GPT2: variants seen among roughly 807,000 people sequenced by gnomAD.
GPT2 encodes the protein alanine aminotransferase 2.
In GPT2, 30 loss-of-function variants were observed where a neutral mutation model predicts 56.9. That is an observed-to-expected ratio of 0.53 (90% CI 0.39 to 0.72). The LOEUF is 0.72. GPT2 is among the 30% of genes least tolerant of loss of function. GPT2 has a pLI of 0.00. For synonymous variants in GPT2, 271 were observed against 283.1 expected (o/e 0.96, Z 0.43); for missense variants, 542 against 703.4 (o/e 0.77, Z 2.60).
At chr16:46,907,170 C>T (rs1938851337) in intron 5 of GPT2, among the ~76,000 whole-genome samples, 195 bp downstream of exon 5, 2 of 152,192 alleles carry the variant, frequency 1.3e-5, no homozygotes, top group African/African-American at 4.8e-5. Context: ...ACTGCAGCCT[C>T]GATTTCTGTC....
intron 2 of GPT2, among the ~76,000 whole-genome samples, chr16:46,885,808 G>A (rs1346285393): frequency 6.6e-6 from 1 of 152,152 alleles, no homozygotes; most frequent in African/African-American, 2.4e-5. Flanking sequence ...TGGAATTCAG[G>A]AGGCAGAGCC....
intron 10 of GPT2, among the ~76,000 whole-genome samples, chr16:46,926,033 G>A (rs1233168590): frequency 6.6e-6 from 1 of 150,566 alleles, no homozygotes; most frequent in Non-Finnish European, 1.5e-5. Flanking sequence ...TGGAGGCTGA[G>A]GCAGGGAGAA....
At chr16:46,924,334 G>C in intron 9 of GPT2, 55 bp from the exon 10 acceptor site, 1 of 1,585,064 alleles carries the variant, frequency 6.3e-7, no homozygotes, top group Non-Finnish European at 8.7e-7. Context: ...TCAGTGGCTG[G>C]AGTGAATCTT....
chr16:46,928,956 G>C lies in GPT2; in HGVS notation c.1531G>C (p.Val511Leu). 1 of 1,614,186 alleles carries C rather than the reference G, an allele frequency of 6.2e-7. No homozygotes were observed. The highest frequency in any genetic ancestry group is 2.2e-5 in the East Asian group (1 of 44,878). The change falls in exon 12 of 12, where the codon GTG becomes CTG. Residue 511 changes from valine (V) to leucine (L), a missense_variant. Val to Leu is a conservative substitution (Grantham distance 32). Transcript: ENST00000340124. ...VEKLKTVLQK[V>L]KDFHINFLEK... ...GAAGCTGAAAACGGTGCTGCAGAAG[G>C]TGAAAGACTTCCACATCAACTTCCT...
chr16:46,901,280 G>C (rs1960812126), intron 4 of GPT2, among the ~76,000 whole-genome samples: 1 of 152,168 alleles, frequency 6.6e-6, no homozygotes, highest in Non-Finnish European at 1.5e-5. Flanking sequence ...CAGTCTGATG[G>C]TGCCAGTACC....
chr16:46,898,998 CATAT>C (rs61197632), intron 3 of GPT2, among the ~76,000 whole-genome samples: 1 of 124,438 alleles, frequency 8.0e-6, no homozygotes, highest in African/African-American at 3.6e-5. Context: ...ATATAACACA[CATAT>C]ATATATATAT....
Position 46,930,816 on chromosome 16 carries a change from A to G in GPT2, c.*1819A>G, listed in dbSNP as rs911776850. On this transcript the variant is annotated 3_prime_UTR_variant, in exon 12 of 12. Transcript: ENST00000340124. ...ATAAACAGCCCCTAAAAACTTTACA[A>G]CGTTTACACAGTTTTTTAAAAAGAG... The G allele has an allele frequency of 2.0e-5, 3 of 152,650 alleles. No homozygotes were observed. Among genetic ancestry groups the G allele is most frequent in the African/African-American group, 7.2e-5 (3 of 41,454 alleles). The allele number at this position is 152,650 out of a possible 1,614,324, so 9.5% of individuals were successfully genotyped here.
At chr16:46,891,558 CAT>C (rs1382241983) in intron 2 of GPT2, among the ~76,000 whole-genome samples, 1 of 152,064 alleles carries the variant, frequency 6.6e-6, no homozygotes, top group East Asian at 1.9e-4. Context: ...CACACACCAC[CAT>C]GCCTAGCTAA....
In GPT2 at chr16:46,919,597, G is replaced by A. The variant is rs114586800; in HGVS notation, c.1037+840G>A. Among the ~76,000 whole-genome samples, 623 of 152,368 alleles carry A rather than the reference G, an allele frequency of 4.1e-3. 4 individuals are homozygous for A. The highest frequency in any genetic ancestry group is 0.014 in the African/African-American group (575 of 41,580). On this transcript the variant is annotated intron_variant, in intron 8 of 11. Coordinates refer to ENST00000340124, the MANE Select transcript of GPT2 (RefSeq NM_133443.4). The stretch of plus-strand genomic sequence containing the variant: ...CCAGGAGCTGGAAAGGAGGGGGCAC[G>A]GGGGCAGTGGCAGGAGTGGAGACCT...
At chr16:46,897,808 G>GGC in intron 3 of GPT2, 71 bp downstream of exon 3, 1 of 1,338,800 alleles carries the variant, frequency 7.5e-7, no homozygotes, top group Non-Finnish European at 1.1e-6. Flanking sequence ...CATAGGGGCC[G>GGC]TCCTCTGCCC....
In GPT2 at chr16:46,918,763, T is replaced by C. The variant is rs771933705; in HGVS notation, c.1037+6T>C. Reference sequence around the variant, plus strand: ...TCCAAGGGCTACATGGGCGAGTACGTGGGCCTCCCTTCCCTCTGCCACTGC... The same window carrying C: ...TCCAAGGGCTACATGGGCGAGTACGCGGGCCTCCCTTCCCTCTGCCACTGC... On this transcript the variant is annotated splice_donor_region_variant and intron_variant, in intron 8 of 11. Transcript: ENST00000340124. 4.0e-5 allele frequency: 64 copies of C among 1,613,542 alleles called. No homozygotes were observed. The East Asian group carries it at 1.3e-3, about 33-fold the overall frequency.
At chr16:46,885,308 T>A in intron 2 of GPT2, 1 of 943,362 alleles carries the variant, frequency 1.1e-6, no homozygotes, top group Non-Finnish European at 1.3e-6. Context: ...CAATAGAGTC[T>A]CAGTGATAAG....
At chr16:46,906,255 A>G (rs1160869983) in intron 4 of GPT2, among the ~76,000 whole-genome samples, 1 of 151,996 alleles carries the variant, frequency 6.6e-6, no homozygotes, top group Non-Finnish European at 1.5e-5. Context: ...TATTTTTTGT[A>G]GAGCTGAGGT....
At chr16:46,925,530 A>T (rs1961389665) in intron 10 of GPT2, among the ~76,000 whole-genome samples, 1 of 152,046 alleles carries the variant, frequency 6.6e-6, no homozygotes, top group Non-Finnish European at 1.5e-5. Flanking sequence ...GACCTACAGA[A>T]TCAGAATTCC....
At position 46,907,655 on chromosome 16, in the gene GPT2, G is replaced by A. The variant is rs114291524; in HGVS notation, c.576+680G>A. ...ACAGCAAGGGTCGGAGTTACCAGGC[G>A]TGGGCTGGCAAGGCAGCTGGCACCA... On this transcript the variant is annotated intron_variant, in intron 5 of 11. Transcript: ENST00000340124. Among the ~76,000 whole-genome samples, 1,332 of 152,346 alleles carry A rather than the reference G, an allele frequency of 8.7e-3. 15 individuals carry two copies. The highest frequency in any genetic ancestry group is 0.03 in the African/African-American group (1,242 of 41,584).
intron 10 of GPT2, among the ~76,000 whole-genome samples, chr16:46,925,855 CA>C (rs1961396652): frequency 6.6e-6 from 1 of 151,760 alleles, no homozygotes; most frequent in South Asian, 2.1e-4. Context: ...ATCCCTGGGC[CA>C]GGTGTGGTGG....
At chr16:46,911,549 C>T (rs1016184626) in intron 6 of GPT2, among the ~76,000 whole-genome samples, 1 of 152,084 alleles carries the variant, frequency 6.6e-6, no homozygotes, top group Admixed American at 6.6e-5. Flanking sequence ...CCTGGTTGTA[C>T]GTTAGAATCA....
chr16:46,924,638 G>A, intron 10 of GPT2, 94 bp downstream of exon 10: 1 of 1,339,036 alleles, frequency 7.5e-7, no homozygotes, highest in Non-Finnish European at 1.0e-6. Context: ...CAGAAGTGCT[G>A]GCCCTGGAGG....
intron 2 of GPT2, among the ~76,000 whole-genome samples, chr16:46,894,199 A>G (rs1322525434): frequency 2.0e-5 from 3 of 152,164 alleles, no homozygotes; most frequent in Non-Finnish European, 4.4e-5. Context: ...GCATTGGTCG[A>G]GCAGTGCGGG....
Sources: allele counts gnomAD v4.1 joint callset (sites outside exome capture counted in the v4.1 genomes callset), GRCh38; gene constraint gnomAD v4.1.1; transcripts MANE v1.5; gene names NCBI Gene and HGNC (gene_info 2026-07-23, HGNC 2026-07-21).